NCOA3: variants seen among roughly 807,000 people sequenced by gnomAD.
The protein encoded by NCOA3 is nuclear receptor coactivator 3, also known as CBP-interacting protein.
NCOA3 carries 51 observed loss-of-function variants against 158.8 expected under a neutral mutation model. The observed-to-expected ratio is 0.32, with a 90% CI of 0.26 to 0.41. The LOEUF (loss-of-function observed/expected upper bound fraction) is 0.41. NCOA3 is among the 10% of genes least tolerant of loss of function. The pLI, the probability that NCOA3 is intolerant of heterozygous loss-of-function variation, is 1.00. For missense variants in NCOA3, 1,510 were observed against 1,746.6 expected, an observed-to-expected ratio of 0.86 and a Z score of 2.41; for synonymous variants, 537 against 592.4, an observed-to-expected ratio of 0.91 and a Z score of 1.36.
In NCOA3 at chr20:47,642,433, C is replaced by T. The variant is rs72645280; in HGVS notation, c.3252+49C>T. 2.1e-4 allele frequency: 273 copies of T among 1,317,692 alleles called. 4 individuals are homozygous for T. In the East Asian group the frequency reaches 4.0e-3, roughly 19 times the overall value. 81.6% of individuals were successfully genotyped at this position (1,317,692 alleles called of 1,614,324 possible). The stretch of plus-strand genomic sequence containing the variant: ...AGGAGAGTGTATATTTGTGTGTGTG[C>T]GCGCGTACACATTCATGAAGCCACA... On this transcript the variant is annotated intron_variant, in intron 17 of 22. Transcript: ENST00000371998.
intron 1 of NCOA3, among the ~76,000 whole-genome samples, chr20:47,535,658 C>A (rs1047201462): frequency 1.3e-5 from 2 of 152,072 alleles, no homozygotes; most frequent in Non-Finnish European, 2.9e-5. Context: ...CAGGCATGCA[C>A]CACCACATCT....
At position 47,511,559 on chromosome 20, in the gene NCOA3, CTT is replaced by C. The variant is rs71183261; in HGVS notation, c.-99+9550_-99+9551del. On this transcript the variant is annotated intron_variant, in intron 1 of 22. Transcript: ENST00000371998. Reference sequence around the variant, plus strand: ...TATATATATATATATATATATATTTCTTTTTTTTTTTGAGACGGTCTTGCTCT... The same window carrying C: ...TATATATATATATATATATATATTTCTTTTTTTTTGAGACGGTCTTGCTCT... 4.1e-4 allele frequency among the ~76,000 whole-genome samples: 36 copies of C among 87,544 alleles called. 6 individuals are homozygous for C. The highest frequency in any genetic ancestry group is 9.7e-4 in the Admixed American group (7 of 7,202). The allele number at this position is 87,544 out of a possible 152,430, so 57.4% of individuals were successfully genotyped here.
intron 4 of NCOA3, 71 bp downstream of exon 4, chr20:47,624,154 G>C: frequency 7.3e-7 from 1 of 1,372,062 alleles, no homozygotes; most frequent in Non-Finnish European, 1.0e-6. Context: ...GACTGGTTTT[G>C]TGGAAGCCAG....
intron 1 of NCOA3, among the ~76,000 whole-genome samples, chr20:47,536,151 C>G (rs1386343920): frequency 6.6e-6 from 1 of 152,176 alleles, no homozygotes; most frequent in Non-Finnish European, 1.5e-5. Flanking sequence ...CTTGTTCTCA[C>G]TTAGGTCCGT....
intron 1 of NCOA3, among the ~76,000 whole-genome samples, chr20:47,540,058 C>G (rs1189753558): frequency 1.3e-5 from 2 of 152,122 alleles, no homozygotes; most frequent in Non-Finnish European, 2.9e-5. Flanking sequence ...GGGTTAATTA[C>G]ATAAGCTCTC....
At chr20:47,516,649 A>G (rs915220774) in intron 1 of NCOA3, among the ~76,000 whole-genome samples, 1 of 152,130 alleles carries the variant, frequency 6.6e-6, no homozygotes, top group Non-Finnish European at 1.5e-5. Flanking sequence ...GGCTGGGTGC[A>G]GTGGCTCAAG....
At chr20:47,627,856 T>A in intron 7 of NCOA3, 66 bp from the exon 8 acceptor site, 1 of 1,573,996 alleles carries the variant, frequency 6.4e-7, no homozygotes, top group Non-Finnish European at 8.7e-7. Flanking sequence ...TGTCTTTGCT[T>A]GCCTATTGAA....
At chr20:47,532,332 G>A (rs1334966445) in intron 1 of NCOA3, among the ~76,000 whole-genome samples, 3 of 152,108 alleles carry the variant, frequency 2.0e-5, no homozygotes, top group African/African-American at 4.8e-5. Flanking sequence ...TTGAAGAACA[G>A]CAAGGTGACC....
rs975292230 is a variant in NCOA3, at chr20:47,655,707, T to G, written c.*2290T>G. ...CAATTGTATCTGACCCTTCTTTAAG[T>G]TATGTGTGTGGGGAGAAATAGAATG... is the stretch of plus-strand genomic sequence containing the variant. On this transcript the variant is annotated 3_prime_UTR_variant, in exon 23 of 23. Coordinates refer to ENST00000371998, the MANE Select transcript of NCOA3 (RefSeq NM_181659.3). 49 of 152,690 alleles carry G rather than the reference T, an allele frequency of 3.2e-4. No individual in the cohort carries two copies. Among genetic ancestry groups the G allele is most frequent in the African/African-American group, 1.1e-3 (47 of 41,546 alleles). The allele number at this position is 152,690 out of a possible 1,614,324, so 9.5% of individuals were successfully genotyped here.
At chr20:47,618,378 G>T (rs1386132201) in intron 2 of NCOA3, among the ~76,000 whole-genome samples, 7 of 102,942 alleles carry the variant, frequency 6.8e-5, no homozygotes, top group Admixed American at 2.6e-4. Context: ...TTTATAGACA[G>T]AATTCACTCT....
intron 17 of NCOA3, among the ~76,000 whole-genome samples, chr20:47,643,120 G>A (rs1277895811): frequency 6.6e-6 from 1 of 152,150 alleles, no homozygotes; most frequent in African/African-American, 2.4e-5. Context: ...TGCCATGTTG[G>A]CCAGGCTGGT....
intron 17 of NCOA3, 121 bp from the exon 18 acceptor site, chr20:47,646,952 A>G: frequency 1.2e-6 from 1 of 815,604 alleles, no homozygotes; most frequent in Non-Finnish European, 2.0e-6. Flanking sequence ...CCTGGCACAT[A>G]ACAAGCATTT....
intron 1 of NCOA3, among the ~76,000 whole-genome samples, chr20:47,579,169 C>T (rs896137876): frequency 1.3e-5 from 2 of 152,188 alleles, no homozygotes; most frequent in African/African-American, 4.8e-5. Context: ...AAAACAGGGG[C>T]CATGTTGTCC....
chr20:47,584,208 T>G (rs2085497700), intron 2 of NCOA3, among the ~76,000 whole-genome samples: 1 of 151,990 alleles, frequency 6.6e-6, no homozygotes, highest in African/African-American at 2.4e-5. Flanking sequence ...AGGTGGGAGA[T>G]TGCTTGATCT....
intron 1 of NCOA3, among the ~76,000 whole-genome samples, chr20:47,528,379 C>G (rs1281752778): frequency 6.6e-6 from 1 of 152,084 alleles, no homozygotes; most frequent in Non-Finnish European, 1.5e-5. Flanking sequence ...TTGTCTGTTT[C>G]ATTATTTATT....
At chr20:47,626,243 C>G (rs940047430) in intron 5 of NCOA3, among the ~76,000 whole-genome samples, 6 of 152,150 alleles carry the variant, frequency 3.9e-5, no homozygotes, top group Non-Finnish European at 8.8e-5. Context: ...CTTTTTGTTT[C>G]AGGTAGTTTG....
intron 1 of NCOA3, among the ~76,000 whole-genome samples, chr20:47,563,280 T>G (rs2085136663): frequency 6.6e-6 from 1 of 152,232 alleles, no homozygotes; most frequent in African/African-American, 2.4e-5. Flanking sequence ...ACAAAATTAT[T>G]TGTCATTTTA....
At chr20:47,587,594 G>A (rs1156538221) in intron 2 of NCOA3, among the ~76,000 whole-genome samples, 2 of 152,124 alleles carry the variant, frequency 1.3e-5, no homozygotes, top group Non-Finnish European at 2.9e-5. Context: ...TTTCTTGTAT[G>A]CTTTAAGTCA....
At chr20:47,638,899 T>G in intron 13 of NCOA3, 109 bp from the exon 14 acceptor site, 1 of 905,772 alleles carries the variant, frequency 1.1e-6, no homozygotes, top group Non-Finnish European at 1.6e-6. Flanking sequence ...CAGTGTTTGT[T>G]TTTGTAAGAA....
Sources: gnomAD v4.1 joint callset for allele counts (sites outside exome capture counted in the v4.1 genomes callset) on GRCh38, gnomAD v4.1.1 for gene constraint, MANE v1.5 for transcripts, NCBI Gene and HGNC (gene_info 2026-07-23, HGNC 2026-07-21) for gene names.